The following DAB1 variants were observed in gnomAD, a reference collection of about 807,000 sequenced individuals.
The protein encoded by DAB1 is disabled homolog 1.
DAB1 carries 15 observed loss-of-function variants against 64.6 expected under a neutral mutation model. The observed-to-expected ratio is 0.23, with a 90% confidence interval of 0.16 to 0.36. The LOEUF is 0.36. DAB1 is among the 10% of genes least tolerant of loss of function. The probability of loss-of-function intolerance (pLI) is 1.00; values close to 1 mark genes in which losing one functional copy is unlikely to be tolerated. For synonymous variants in DAB1, 235 were observed against 251.9 expected, an observed-to-expected ratio of 0.93 and a Z score of 0.64; for missense variants, 596 against 706.7, an observed-to-expected ratio of 0.84 and a Z score of 1.78.
rs368182277 is a variant in DAB1, at chr1:58,487,412, G to C, written n.257+18648C>G. ...ATCGTATTGTCAATTAATGACCCCA[G>C]TCCATAAATTCTTTTAAAGTTATTG... is the stretch of plus-strand genomic sequence containing the variant. On this transcript the variant is annotated intron_variant and non_coding_transcript_variant, in intron 3 of 20. Transcript: ENST00000485760. Among the ~76,000 whole-genome samples, 9 of 152,250 alleles carry C rather than the reference G, an allele frequency of 5.9e-5. No individual in the cohort carries two copies. In the East Asian group the frequency reaches 1.5e-3, roughly 26 times the overall value.
intron 1 of DAB1, among the ~76,000 whole-genome samples, chr1:57,298,393 A>G (rs896827179): frequency 6.6e-6 from 1 of 152,180 alleles, no homozygotes; most frequent in African/African-American, 2.4e-5. Context: ...CAGATGTACA[A>G]TCATCATCTA....
intron 7 of DAB1, among the ~76,000 whole-genome samples, chr1:57,532,336 ATTC>A (rs1245319507): frequency 7.9e-5 from 12 of 151,918 alleles, no homozygotes; most frequent in African/African-American, 2.7e-4. Flanking sequence ...TCATTCATTC[ATTC>A]ATTTATTCTT....
intron 7 of DAB1, among the ~76,000 whole-genome samples, chr1:57,531,519 A>C (rs17115923): frequency 0.011 from 1,672 of 152,318 alleles, 27 homozygotes; most frequent in African/African-American, 0.038. Flanking sequence ...TGGCCAAAAG[A>C]AGCTCTAGGT....
intron 5 of DAB1, among the ~76,000 whole-genome samples, chr1:57,971,643 A>G (rs1293742832): frequency 6.6e-6 from 1 of 152,240 alleles, no homozygotes; most frequent in African/African-American, 2.4e-5. Context: ...GAAATATCAA[A>G]GTATTTTACA....
At chr1:57,500,274 C>T (rs538692896) in intron 7 of DAB1, among the ~76,000 whole-genome samples, 1 of 152,332 alleles carries the variant, frequency 6.6e-6, no homozygotes, top group East Asian at 1.9e-4. Context: ...TTAGCATCCA[C>T]ACTGAATAAA....
chr1:57,531,802 A>G (rs1644666535), intron 7 of DAB1, among the ~76,000 whole-genome samples: 1 of 152,180 alleles, frequency 6.6e-6, no homozygotes, highest in Non-Finnish European at 1.5e-5. Flanking sequence ...TTTCTGTGGT[A>G]TAAATAATCC....
intron 4 of DAB1, among the ~76,000 whole-genome samples, chr1:58,174,903 G>A (rs1398019626): frequency 6.6e-6 from 1 of 152,064 alleles, no homozygotes; most frequent in African/African-American, 2.4e-5. Flanking sequence ...GCACCAATCA[G>A]CACTCTGTAC....
intron 7 of DAB1, among the ~76,000 whole-genome samples, chr1:57,587,391 C>T (rs1393458627): frequency 1.3e-5 from 2 of 152,160 alleles, no homozygotes; most frequent in Non-Finnish European, 2.9e-5. Context: ...AATTTATTCT[C>T]ACAAAAACTC....
chr1:58,076,540 C>T (rs962913871), intron 5 of DAB1, among the ~76,000 whole-genome samples: 7 of 152,178 alleles, frequency 4.6e-5, no homozygotes, highest in African/African-American at 1.7e-4. Context: ...TAGAAGCATC[C>T]ACACTAAAGG....
intron 4 of DAB1, among the ~76,000 whole-genome samples, chr1:58,300,606 A>AGAG (rs1662115424): frequency 2.6e-5 from 1 of 37,968 alleles, no homozygotes; most frequent in African/African-American, 8.3e-5. Context: ...GAAAGAAAGA[A>AGAG]AGAAAGAGAG....
chr1:57,973,708 C>A (rs1645851963), intron 5 of DAB1, among the ~76,000 whole-genome samples: 1 of 152,112 alleles, frequency 6.6e-6, no homozygotes, highest in South Asian at 2.1e-4. Context: ...TCTGGGTCTA[C>A]CTTCAAAACA....
intron 5 of DAB1, among the ~76,000 whole-genome samples, chr1:58,109,244 AC>A (rs1651837659): frequency 6.6e-6 from 1 of 152,218 alleles, no homozygotes; most frequent in Admixed American, 6.5e-5. Flanking sequence ...CAGGTCTAAC[AC>A]ATGTTTTGTG....
intron 1 of DAB1, among the ~76,000 whole-genome samples, chr1:57,834,314 G>A (rs753889695): frequency 8.5e-5 from 13 of 152,112 alleles, no homozygotes; most frequent in Non-Finnish European, 1.3e-4. Flanking sequence ...AATTAGTTTC[G>A]TCTTGAAAAT....
chr1:57,603,228 C>T (rs1158707160), intron 7 of DAB1, among the ~76,000 whole-genome samples: 1 of 152,208 alleles, frequency 6.6e-6, no homozygotes, highest in Non-Finnish European at 1.5e-5. Context: ...CTGCCTCAGC[C>T]TCCCAAAGTG....
intron 2 of DAB1, among the ~76,000 whole-genome samples, chr1:57,192,038 C>T (rs774328951): frequency 6.6e-6 from 1 of 152,044 alleles, no homozygotes. Context: ...GTGGCTAAGG[C>T]TGGGCACGAT....
At chr1:58,038,578 C>CT (rs34814864) in intron 5 of DAB1, among the ~76,000 whole-genome samples, 5 of 151,876 alleles carry the variant, frequency 3.3e-5, no homozygotes, top group East Asian at 1.9e-4. Flanking sequence ...TAATAAGCTC[C>CT]TTTTTTTACC....
At chr1:57,088,571 G>T (rs1653326531) in intron 4 of DAB1, among the ~76,000 whole-genome samples, 1 of 152,102 alleles carries the variant, frequency 6.6e-6, no homozygotes, top group African/African-American at 2.4e-5. Flanking sequence ...TACCCAGATG[G>T]GTTTCACATG....
At chr1:57,674,636 G>A (rs531146048) in intron 6 of DAB1, among the ~76,000 whole-genome samples, 6 of 152,120 alleles carry the variant, frequency 3.9e-5, no homozygotes, top group African/African-American at 1.2e-4. Flanking sequence ...CCTAATTCTG[G>A]GATTTCATCA....
Position 57,275,621 on chromosome 1 carries a change from A to G in DAB1, c.67+15343T>C, listed in dbSNP as rs61767365. 8.2e-3 allele frequency among the ~76,000 whole-genome samples: 1,244 copies of G among 152,332 alleles called. 32 individuals are homozygous for G. The highest frequency in any genetic ancestry group is 0.08 in the East Asian group (414 of 5,178). On this transcript the variant is annotated intron_variant, in intron 2 of 14. Coordinates refer to ENST00000371236, the MANE Select transcript of DAB1 (RefSeq NM_001365792.1). ...TGAACCAAAAAATCAAGACACCAGG[A>G]CAACATATTAAAGTTGATAAGCTGA...
Sources: gnomAD v4.1 joint callset for allele counts (sites outside exome capture counted in the v4.1 genomes callset) on GRCh38, gnomAD v4.1.1 for gene constraint, MANE v1.5 for transcripts, NCBI Gene and HGNC (gene_info 2026-07-23, HGNC 2026-07-21) for gene names.